Variants in CNOT10 observed in about 807,000 individuals in gnomAD.
CNOT10 encodes CCR4-NOT transcription complex, subunit 10.
A neutral mutation model predicts 94.6 loss-of-function variants in CNOT10; 30 were observed. That is an observed-to-expected ratio of 0.32 (90% CI 0.24 to 0.43). The LOEUF (loss-of-function observed/expected upper bound fraction) is 0.43, where lower values mean the gene tolerates loss of function less well. CNOT10 is among the 20% of genes least tolerant of loss of function. The pLI, the probability that CNOT10 is intolerant of heterozygous loss-of-function variation, is 1.00. For missense variants in CNOT10, 759 were observed against 877.2 expected (o/e 0.87, Z 1.70); for synonymous variants, 289 against 301.6 (o/e 0.96, Z 0.43).
At chr3:32,694,071 ATTATAC>A (rs974578772) in intron 1 of CNOT10, among the ~76,000 whole-genome samples, 4 of 151,896 alleles carry the variant, frequency 2.6e-5, no homozygotes, top group African/African-American at 9.7e-5. Flanking sequence ...AAGTCTAGCA[ATTATAC>A]TTAAAATTGA....
intron 4 of CNOT10, among the ~76,000 whole-genome samples, chr3:32,711,108 A>G (rs1056977661): frequency 3.3e-5 from 5 of 152,204 alleles, no homozygotes; most frequent in Non-Finnish European, 5.9e-5. Flanking sequence ...AGATAATGCA[A>G]TGAATGAAAT....
At chr3:32,693,222 A>T (rs1412090454) in intron 1 of CNOT10, among the ~76,000 whole-genome samples, 1 of 151,768 alleles carries the variant, frequency 6.6e-6, no homozygotes, top group Non-Finnish European at 1.5e-5. Flanking sequence ...TTTTAAATTT[A>T]ATTAATTTTT....
At chr3:32,746,135 C>T (rs1385041338) in intron 13 of CNOT10, among the ~76,000 whole-genome samples, 1 of 152,112 alleles carries the variant, frequency 6.6e-6, no homozygotes, top group Admixed American at 6.6e-5. Context: ...TATGAATAGA[C>T]AAAACTAATT....
intron 13 of CNOT10, chr3:32,753,707 A>C (rs1438298583): frequency 1.9e-6 from 3 of 1,591,266 alleles, no homozygotes; most frequent in African/African-American, 2.7e-5. Context: ...GAAAATAATG[A>C]AAAGTTGGAG....
intron 1 of CNOT10, among the ~76,000 whole-genome samples, chr3:32,696,703 A>G (rs1697086328): frequency 6.6e-6 from 1 of 151,814 alleles, no homozygotes; most frequent in Non-Finnish European, 1.5e-5. Context: ...GGTTCAAGTG[A>G]TCCTCCCTCC....
chr3:32,709,738 A>G (rs6798367), intron 4 of CNOT10, among the ~76,000 whole-genome samples: 5,718 of 152,302 alleles, frequency 0.038, 174 homozygotes, highest in Middle Eastern at 0.075. Flanking sequence ...GTCCTTCTGT[A>G]TAGCTAGAAA....
At chr3:32,747,677 C>T (rs981878998) in intron 13 of CNOT10, among the ~76,000 whole-genome samples, 3 of 151,374 alleles carry the variant, frequency 2.0e-5, no homozygotes, top group South Asian at 2.1e-4. Flanking sequence ...GGGCTGGGCT[C>T]GGTGGCTCAC....
intron 13 of CNOT10, among the ~76,000 whole-genome samples, chr3:32,746,725 T>C (rs2125602243): frequency 6.6e-6 from 1 of 151,438 alleles, no homozygotes; most frequent in East Asian, 2.0e-4. Context: ...TAGTCCCAGC[T>C]ACTCGGGAGG....
chr3:32,687,469 T>TTTTTTTTTTTTTTA (rs1575192728), intron 1 of CNOT10, among the ~76,000 whole-genome samples: 1 of 131,648 alleles, frequency 7.6e-6, no homozygotes, highest in Admixed American at 7.8e-5. Context: ...TTTTTTTTTT[T>TTTTTTTTTTTTTTA]GAGACGGAGT....
At chr3:32,724,284 C>T (rs1698556204) in intron 8 of CNOT10, among the ~76,000 whole-genome samples, 1 of 135,618 alleles carries the variant, frequency 7.4e-6, no homozygotes, top group Admixed American at 8.1e-5. Context: ...CTCATTCTGT[C>T]ACCCAGGCTG....
intron 13 of CNOT10, among the ~76,000 whole-genome samples, chr3:32,742,821 T>C (rs1699531735): frequency 6.6e-6 from 1 of 152,182 alleles, no homozygotes; most frequent in South Asian, 2.1e-4. Flanking sequence ...TAACATTGCT[T>C]TTTATTGAGC....
intron 13 of CNOT10, among the ~76,000 whole-genome samples, chr3:32,755,011 C>T (rs1159867339): frequency 6.6e-6 from 1 of 151,624 alleles, no homozygotes; most frequent in Non-Finnish European, 1.5e-5. Flanking sequence ...CTTTGGGAGT[C>T]CAAGGCAGGC....
At chr3:32,746,984 G>A (rs1425732728) in intron 13 of CNOT10, among the ~76,000 whole-genome samples, 2 of 152,146 alleles carry the variant, frequency 1.3e-5, no homozygotes, top group African/African-American at 4.8e-5. Context: ...AGGTGTGGTG[G>A]CAGGCACCTG....
At chr3:32,738,865 T>G (rs1289046339) in intron 13 of CNOT10, among the ~76,000 whole-genome samples, 1 of 152,090 alleles carries the variant, frequency 6.6e-6, no homozygotes, top group East Asian at 1.9e-4. Flanking sequence ...TTTTTTACCT[T>G]TTTAATGTCT....
chr3:32,688,994 A>G (rs6762652), intron 1 of CNOT10, among the ~76,000 whole-genome samples: 151,175 of 152,202 alleles, frequency 0.99, 75,091 homozygotes, highest in Middle Eastern at 1. Context: ...CACGAGGTCA[A>G]GAGATCGAGA....
intron 7 of CNOT10, among the ~76,000 whole-genome samples, chr3:32,719,862 T>C (rs1261261561): frequency 2.0e-5 from 3 of 152,226 alleles, no homozygotes; most frequent in Non-Finnish European, 2.9e-5. Context: ...CTACAGACTG[T>C]ATTCTTATAC....
intron 6 of CNOT10, among the ~76,000 whole-genome samples, chr3:32,716,889 A>T (rs1351311133): frequency 6.6e-6 from 1 of 152,164 alleles, no homozygotes. Context: ...ACCTCAGGTG[A>T]TCCACCTGCC....
intron 3 of CNOT10, among the ~76,000 whole-genome samples, chr3:32,706,578 G>A (rs1309164632): frequency 6.6e-6 from 1 of 152,182 alleles, no homozygotes; most frequent in Non-Finnish European, 1.5e-5. Context: ...TTCACTTAAT[G>A]AGTAGTTTTT....
chr3:32,696,814 A>C (rs547207417), intron 1 of CNOT10, among the ~76,000 whole-genome samples: 55 of 152,154 alleles, frequency 3.6e-4, no homozygotes, highest in African/African-American at 1.3e-3. Context: ...TCCTGAGCTC[A>C]AGATCCACCC....
Sources: gnomAD v4.1 joint callset for allele counts (sites outside exome capture counted in the v4.1 genomes callset) on GRCh38, gnomAD v4.1.1 for gene constraint, MANE v1.5 for transcripts, NCBI Gene and HGNC (gene_info 2026-07-23, HGNC 2026-07-21) for gene names.